Variants in MYO6 observed in about 807,000 individuals in gnomAD.
The protein encoded by MYO6 is myosin VI, also known as unconventional myosin-VI.
MYO6 carries 74 observed loss-of-function variants against 178.7 expected under a neutral mutation model. That is an observed-to-expected ratio of 0.41 (90% CI 0.34 to 0.50). The LOEUF is 0.50. Ranked by LOEUF, MYO6 falls within the 20% of genes least tolerant of loss-of-function variation. The pLI is 0.09. For synonymous variants in MYO6, 477 were observed against 504.6 expected, an observed-to-expected ratio of 0.95 and a Z score of 0.73; for missense variants, 1,330 against 1,547.4, an observed-to-expected ratio of 0.86 and a Z score of 2.36.
chr6:75,840,046 G>C (rs1480879149), intron 7 of MYO6, among the ~76,000 whole-genome samples: 4 of 151,312 alleles, frequency 2.6e-5, no homozygotes, highest in Non-Finnish European at 5.9e-5. Flanking sequence ...ATATTTTCTT[G>C]TTATATATTT....
At chr6:75,908,465 AT>A (rs748088709) in intron 31 of MYO6, 30 bp from the exon 32 acceptor site, 76,760 of 935,098 alleles carry the variant, frequency 0.082, 5 homozygotes, top group South Asian at 0.11. Context: ...TAACATGTCA[AT>A]TTTTTTTTTT....
At chr6:75,836,098 T>A in intron 7 of MYO6, 142 bp downstream of exon 7, 1 of 712,804 alleles carries the variant, frequency 1.4e-6, no homozygotes, top group Non-Finnish European at 2.6e-6. Flanking sequence ...CATCTTGTTA[T>A]TTACCTAATA....
intron 7 of MYO6, among the ~76,000 whole-genome samples, chr6:75,837,419 C>T (rs769648349): frequency 1.3e-5 from 2 of 152,010 alleles, no homozygotes; most frequent in Non-Finnish European, 2.9e-5. Flanking sequence ...AAATTAGAGA[C>T]AGCATCTCAC....
At chr6:75,843,308 C>T (rs1418567193) in intron 9 of MYO6, among the ~76,000 whole-genome samples, 1 of 152,162 alleles carries the variant, frequency 6.6e-6, no homozygotes, top group Non-Finnish European at 1.5e-5. Flanking sequence ...GGATGTATAC[C>T]TGTCTGTAAA....
At chr6:75,881,211 G>A (rs932357850) in intron 22 of MYO6, among the ~76,000 whole-genome samples, 4 of 152,080 alleles carry the variant, frequency 2.6e-5, no homozygotes, top group South Asian at 2.1e-4. Context: ...CCAAGATTGC[G>A]CCACTGCAAA....
chr6:75,857,557 G>C (rs1775833129), intron 13 of MYO6, among the ~76,000 whole-genome samples: 1 of 152,128 alleles, frequency 6.6e-6, no homozygotes, highest in South Asian at 2.1e-4. Flanking sequence ...GTAAATCCTT[G>C]TGTGCTACTA....
At chr6:75,755,932 G>A (rs1283812077) in intron 1 of MYO6, among the ~76,000 whole-genome samples, 2 of 152,176 alleles carry the variant, frequency 1.3e-5, no homozygotes, top group East Asian at 1.9e-4. Context: ...TGTCAAAATT[G>A]TGCAATTTAA....
intron 1 of MYO6, among the ~76,000 whole-genome samples, chr6:75,779,289 G>C (rs930074668): frequency 6.6e-6 from 1 of 152,034 alleles, no homozygotes; most frequent in Non-Finnish European, 1.5e-5. Flanking sequence ...ATTACCTGAG[G>C]TCAGGAGTTT....
chr6:75,775,099 T>G (rs1362847669), intron 1 of MYO6, among the ~76,000 whole-genome samples: 3 of 152,098 alleles, frequency 2.0e-5, no homozygotes, highest in African/African-American at 4.8e-5. Flanking sequence ...CGGTGAGAAA[T>G]TATTTTATGT....
rs1781315070 is a variant in MYO6 at position 75,919,463 on chromosome 6, T to G, written c.*4451T>G. ...TAATTTTTCCTCATTTCATTAAAAG[T>G]GTATATCTAATGCTTTCTCTAAAAA... On this transcript the variant is annotated 3_prime_UTR_variant, in exon 35 of 35. Coordinates refer to ENST00000369977, the MANE Select transcript of MYO6 (RefSeq NM_004999.4). 6.6e-6 allele frequency: 1 copy of G among 152,656 alleles called. No homozygotes were observed. The highest frequency in any genetic ancestry group is 1.9e-4 in the East Asian group (1 of 5,200). 9.5% of individuals were successfully genotyped at this position (152,656 alleles called of 1,614,324 possible). A position where few individuals can be genotyped will look rare whatever the true frequency, so the allele number is the denominator to read the frequency against.
At position 75,848,063 on chromosome 6, in the gene MYO6, T is replaced by C. The variant is rs73462839; in HGVS notation, c.898-288T>C. Among the ~76,000 whole-genome samples the C allele has an allele frequency of 8.9e-4, 135 of 152,292 alleles. 2 individuals are homozygous for C. Among genetic ancestry groups the C allele is most frequent in the African/African-American group, 3.0e-3 (126 of 41,586 alleles). On this transcript the variant is annotated intron_variant, in intron 10 of 34. Transcript: ENST00000369977. ...CTAATATGCTAGGATTATAAGACTT[T>C]AGAGCGAAAATTGTAATTTAATTGA...
At chr6:75,881,552 T>G in intron 22 of MYO6, 137 bp from the exon 23 acceptor site, 1 of 812,438 alleles carries the variant, frequency 1.2e-6, no homozygotes. Flanking sequence ...TTGTATTCTC[T>G]GCCAAGGCCT....
chr6:75,851,807 C>G (rs1352374776), intron 11 of MYO6, among the ~76,000 whole-genome samples: 1 of 152,076 alleles, frequency 6.6e-6, no homozygotes, highest in Non-Finnish European at 1.5e-5. Flanking sequence ...CACCACTGCA[C>G]TCCAGCTTGG....
In MYO6 at chr6:75,846,320, G is replaced by A. The variant is rs12665404; in HGVS notation, c.897+1343G>A. Among the ~76,000 whole-genome samples the A allele has an allele frequency of 0.013, 1,994 of 151,864 alleles. 77 individuals are homozygous for A. In the East Asian group the frequency reaches 0.15, roughly 11 times the overall value. The stretch of plus-strand genomic sequence containing the variant: ...TATTAAATATTTAAATTGAGTAATC[G>A]AACAAGTTTTTATAATAGTCAGTTT... On this transcript the variant is annotated intron_variant, in intron 10 of 34. Transcript: ENST00000369977.
chr6:75,895,296 T>C, intron 29 of MYO6, 36 bp downstream of exon 29: 1 of 1,548,566 alleles, frequency 6.5e-7, no homozygotes, highest in Non-Finnish European at 8.9e-7. Context: ...AAAAATAGGT[T>C]GTAGATACTT....
intron 24 of MYO6, among the ~76,000 whole-genome samples, chr6:75,886,485 G>A (rs1300929625): frequency 6.6e-6 from 1 of 152,122 alleles, no homozygotes; most frequent in Middle Eastern, 3.2e-3. Flanking sequence ...GAATTACATT[G>A]TCCCATTATA....
At chr6:75,834,132 A>G (rs375122832) in intron 6 of MYO6, among the ~76,000 whole-genome samples, 2 of 152,138 alleles carry the variant, frequency 1.3e-5, no homozygotes, top group South Asian at 2.1e-4. Context: ...CCTTATTTCT[A>G]TTTCCCTATA....
At chr6:75,904,760 G>T (rs562530435) in intron 30 of MYO6, among the ~76,000 whole-genome samples, 2 of 152,300 alleles carry the variant, frequency 1.3e-5, no homozygotes, top group East Asian at 3.9e-4. Context: ...GCTTTGTTCC[G>T]TGGCTGGTGA....
intron 18 of MYO6, among the ~76,000 whole-genome samples, chr6:75,868,736 A>G (rs888644805): frequency 2.0e-5 from 3 of 152,140 alleles, no homozygotes; most frequent in African/African-American, 7.2e-5. Context: ...AATAAACACA[A>G]AACAGGCTAT....
Sources: allele counts gnomAD v4.1 joint callset (sites outside exome capture counted in the v4.1 genomes callset), GRCh38; gene constraint gnomAD v4.1.1; transcripts MANE v1.5; gene names NCBI Gene and HGNC (gene_info 2026-07-23, HGNC 2026-07-21).